MDGA1: variants seen among roughly 807,000 people sequenced by gnomAD.
The protein encoded by MDGA1 is MAM domain-containing glycosylphosphatidylinositol anchor protein 1.
MDGA1 carries 54 observed loss-of-function variants against 101.5 expected under a neutral mutation model. The observed-to-expected ratio is 0.53, with a 90% CI of 0.43 to 0.67. MDGA1 has a LOEUF of 0.67. Ranked by LOEUF, MDGA1 falls within the 30% of genes least tolerant of loss-of-function variation. MDGA1 has a pLI of 0.00. For missense variants in MDGA1, 1,083 were observed against 1,323.8 expected (o/e 0.82, Z 2.82); for synonymous variants, 533 against 558.3 (o/e 0.95, Z 0.64).
rs1398620138 is a variant in MDGA1 at position 37,651,951 on chromosome 6, T to C, written c.1312+60A>G. On this transcript the variant is annotated intron_variant, in intron 7 of 16. Coordinates refer to ENST00000434837, the MANE Select transcript of MDGA1 (RefSeq NM_153487.4). The stretch of plus-strand genomic sequence containing the variant: ...CCCAAGCCGTTGCCTCCCCACTACC[T>C]CCTGTCTGTGGGCCTCTCCACCCCC... 3.6e-6 allele frequency: 5 copies of C among 1,389,958 alleles called. No homozygotes were observed. The African/African-American group carries it at 5.8e-5, about 16-fold the overall frequency. 86.1% of individuals were successfully genotyped at this position (1,389,958 alleles called of 1,614,324 possible).
intron 2 of MDGA1, among the ~76,000 whole-genome samples, chr6:37,663,732 C>T (rs142033409): frequency 7.3e-4 from 111 of 152,268 alleles, no homozygotes; most frequent in African/African-American, 2.6e-3. Flanking sequence ...ATTGAACAAC[C>T]GGCATTCCAT....
At position 37,635,872 on chromosome 6, in the gene MDGA1, C is replaced by T. The variant is rs2113989077; in HGVS notation, c.*1496G>A. On this transcript the variant is annotated 3_prime_UTR_variant, in exon 17 of 17. Coordinates refer to ENST00000434837, the MANE Select transcript of MDGA1 (RefSeq NM_153487.4). ...CAGCACCCTACAAGCGAACACATCACTCAGGAAGGTGGACACACACGCTGA... is the reference window on the plus strand; with the variant it reads ...CAGCACCCTACAAGCGAACACATCATTCAGGAAGGTGGACACACACGCTGA... 2.5e-6 allele frequency: 1 copy of T among 398,104 alleles called. No individual in the cohort carries two copies. The highest frequency in any genetic ancestry group is 3.6e-5 in the East Asian group (1 of 28,070). 24.7% of individuals were successfully genotyped at this position (398,104 alleles called of 1,614,324 possible).
intron 1 of MDGA1, among the ~76,000 whole-genome samples, chr6:37,666,978 C>T (rs1348540363): frequency 1.3e-5 from 2 of 152,184 alleles, no homozygotes; most frequent in South Asian, 2.1e-4. Flanking sequence ...ACTACCAACC[C>T]TAAGAACTCA....
chr6:37,676,062 C>A (rs1389076129), intron 1 of MDGA1, among the ~76,000 whole-genome samples: 2 of 152,204 alleles, frequency 1.3e-5, no homozygotes, highest in Non-Finnish European at 2.9e-5. Context: ...GAATGCCCTG[C>A]GCATAGTGCA....
chr6:37,638,928 G>C lies in MDGA1; in HGVS notation c.2537-261C>G, dbSNP rs1301273150. ...CATTTCTTTCCTGCCCTGCTAATCAGCTAATCTCCCCAACCCCAAACACAC... is the reference window on the plus strand; with the variant it reads ...CATTTCTTTCCTGCCCTGCTAATCACCTAATCTCCCCAACCCCAAACACAC... On this transcript the variant is annotated intron_variant, in intron 14 of 16. Coordinates refer to ENST00000434837, the MANE Select transcript of MDGA1 (RefSeq NM_153487.4). This position sits in a 1 kb window ranked among gnomAD's most constrained non-coding sequence, Gnocchi z 4.8. 2 of 420,126 alleles carry C rather than the reference G, an allele frequency of 4.8e-6. No individual in the cohort carries two copies. The highest frequency in any genetic ancestry group is 5.1e-5 in the East Asian group (1 of 19,644). The allele number at this position is 420,126 out of a possible 1,614,324, so 26.0% of individuals were successfully genotyped here.
intron 1 of MDGA1, among the ~76,000 whole-genome samples, chr6:37,693,934 G>A (rs930854025): frequency 1.3e-5 from 2 of 152,152 alleles, no homozygotes; most frequent in African/African-American, 4.8e-5. Flanking sequence ...ATGGATCCTA[G>A]GGCAGGTGGT....
intron 1 of MDGA1, 51 bp from the exon 2 acceptor site, chr6:37,664,157 G>A: frequency 6.2e-7 from 1 of 1,609,728 alleles, no homozygotes; most frequent in South Asian, 1.1e-5. Flanking sequence ...GCCAAGGCCA[G>A]AAGAAGTCTG....
intron 1 of MDGA1, among the ~76,000 whole-genome samples, chr6:37,665,108 G>T (rs1761718468): frequency 1.3e-5 from 2 of 152,240 alleles, no homozygotes; most frequent in Admixed American, 1.3e-4. Context: ...GCTAGGCCCT[G>T]GCTGGATGGG....
At chr6:37,639,274 G>GC (rs1369041267) in intron 14 of MDGA1, 1 of 152,646 alleles carries the variant, frequency 6.6e-6, no homozygotes, top group Non-Finnish European at 1.5e-5. Context: ...ATAAACACCA[G>GC]CAAGTGAAAG....
In MDGA1 at chr6:37,637,184, C is replaced by A. The variant is rs1763948008; in HGVS notation, c.*184G>T. ...GTGTGTGCAAGTGGAACAGCTGTCT[C>A]CAGGGCCTCAGTGCCTGGCCTCTGT... On this transcript the variant is annotated 3_prime_UTR_variant, in exon 17 of 17. Transcript: ENST00000434837. 5.2e-6 allele frequency: 3 copies of A among 574,576 alleles called. No homozygotes were observed. Among genetic ancestry groups the A allele is most frequent in the Non-Finnish European group, 9.4e-6 (3 of 319,800 alleles). 35.6% of individuals were successfully genotyped at this position (574,576 alleles called of 1,614,324 possible). A position where few individuals can be genotyped will look rare whatever the true frequency, so the allele number is the denominator to read the frequency against.
At chr6:37,674,893 T>C (rs1423885866) in intron 1 of MDGA1, among the ~76,000 whole-genome samples, 1 of 152,044 alleles carries the variant, frequency 6.6e-6, no homozygotes, top group Non-Finnish European at 1.5e-5. Context: ...TCGTCTCTAC[T>C]AAAAATACAA....
At position 37,648,678 on chromosome 6, in the gene MDGA1, G is replaced by A. The variant is rs527492857; in HGVS notation, c.1894+304C>T. On this transcript the variant is annotated intron_variant, in intron 9 of 16. Coordinates refer to ENST00000434837, the MANE Select transcript of MDGA1 (RefSeq NM_153487.4). ...GCTGTAATGGGCGGGGCTTAGGACT[G>A]GTATAGGCATAGGCGGGCCTTGGAA... 111 of 510,124 alleles carry A rather than the reference G, an allele frequency of 2.2e-4. 1 individual carries two copies. In the South Asian group the frequency reaches 2.8e-3, roughly 13 times the overall value. 31.6% of individuals were successfully genotyped at this position (510,124 alleles called of 1,614,324 possible).
Position 37,638,288 on chromosome 6 carries a change from G to A in MDGA1, c.2693C>T (p.Pro898Leu), listed in dbSNP as rs371103978. The change falls in exon 16 of 17, where the codon CCG becomes CTG. Residue 898 changes from proline (P) to leucine (L), a missense_variant. By Grantham distance (98) the Pro-to-Leu change is moderately conservative (BLOSUM62 -3). Coordinates refer to ENST00000434837, the MANE Select transcript of MDGA1 (RefSeq NM_153487.4). This position sits in a 1 kb window ranked among gnomAD's most constrained non-coding sequence, Gnocchi z 4.8. ...FQIIFEGVRGPGYLGDIAIDD... is the reference protein window; with the variant it reads ...FQIIFEGVRGLGYLGDIAIDD... ...TATGGCAATATCCCCCAGGTAGCCCGGGCCTCGAACCCCCTCAAAAATAAT... is the reference window on the plus strand; with the variant it reads ...TATGGCAATATCCCCCAGGTAGCCCAGGCCTCGAACCCCCTCAAAAATAAT... 1.4e-5 allele frequency: 23 copies of A among 1,611,502 alleles called. No individual in the cohort carries two copies. The highest frequency in any genetic ancestry group is 4.5e-5 in the East Asian group (2 of 44,856).
intron 1 of MDGA1, among the ~76,000 whole-genome samples, chr6:37,687,799 G>C (rs1433609306): frequency 6.6e-6 from 1 of 152,072 alleles, no homozygotes; most frequent in African/African-American, 2.4e-5. Flanking sequence ...AAACAGGAAA[G>C]AGAATAAACA....
chr6:37,695,752 G>A (rs1305977162), intron 1 of MDGA1, among the ~76,000 whole-genome samples: 1 of 152,194 alleles, frequency 6.6e-6, no homozygotes, highest in Non-Finnish European at 1.5e-5. Flanking sequence ...AATCCTGCCC[G>A]CCCCAGCCAC....
chr6:37,657,908 T>G (rs1041384352), intron 3 of MDGA1, among the ~76,000 whole-genome samples: 4 of 152,018 alleles, frequency 2.6e-5, no homozygotes, highest in Admixed American at 2.6e-4. Flanking sequence ...GGAAGAGATC[T>G]GTGTCTTCCT....
At position 37,654,887 on chromosome 6, in the gene MDGA1, A is replaced by G. The variant is rs1425749603; in HGVS notation, c.625T>C (p.Tyr209His). 2.5e-6 allele frequency: 4 copies of G among 1,613,728 alleles called. No homozygotes were observed. The Admixed American group carries it at 5.0e-5, about 20-fold the overall frequency. Reference sequence around the variant, plus strand: ...GACACCTGGCAGGTGTAGCTGGCATAGTCCTGGGGCCGCAGGTTCTTCAGC... The same window carrying G: ...GACACCTGGCAGGTGTAGCTGGCATGGTCCTGGGGCCGCAGGTTCTTCAGC... ...LKLKNLRPQD[Y>H]ASYTCQVSVR... The change falls in exon 5 of 17, where the codon TAT becomes CAT. Residue 209 changes from tyrosine (Y) to histidine (H), a missense_variant. By Grantham distance (83) the Tyr-to-His change is moderately conservative. Around this residue, in one of 3 missense-constraint regions of MDGA1, gnomAD observed 310 missense variants for 355.9 expected, o/e 0.87. Coordinates refer to ENST00000434837, the MANE Select transcript of MDGA1 (RefSeq NM_153487.4).
intron 14 of MDGA1, chr6:37,643,150 G>A (rs1764131148): frequency 6.6e-6 from 1 of 152,324 alleles, no homozygotes; most frequent in Non-Finnish European, 1.5e-5. Flanking sequence ...GGCTGTGAGG[G>A]TTAATGCAAT....
chr6:37,667,487 A>C (rs1761779335), intron 1 of MDGA1, among the ~76,000 whole-genome samples: 1 of 152,242 alleles, frequency 6.6e-6, no homozygotes. Flanking sequence ...GATGCACTCT[A>C]GAATCTGGGA....
Sources: gnomAD v4.1 joint callset for allele counts (sites outside exome capture counted in the v4.1 genomes callset) on GRCh38, gnomAD v4.1.1 for gene constraint, gnomAD v4.1.1 regional missense constraint, Gnocchi (gnomAD v3.1) non-coding constraint, MANE v1.5 for transcripts, NCBI Gene and HGNC (gene_info 2026-07-23, HGNC 2026-07-21) for gene names.